The following CFAP52 variants were observed in gnomAD, a reference collection of about 807,000 sequenced individuals.
The protein encoded by CFAP52 is cilia and flagella associated protein 52, also known as cilia- and flagella-associated protein 52.
Under a neutral mutation model 70.5 loss-of-function variants are expected in CFAP52, and 57 were observed. The ratio of observed to expected loss-of-function variants is 0.81; its 90% CI spans 0.65 to 1.01. The LOEUF (loss-of-function observed/expected upper bound fraction) is 1.01, where lower values mean the gene tolerates loss of function less well. CFAP52 is among the 50% of genes least tolerant of loss of function. The probability of loss-of-function intolerance (pLI) is 0.00; values close to 1 mark genes in which losing one functional copy is unlikely to be tolerated. For missense variants in CFAP52, 785 were observed against 788.5 expected, an observed-to-expected ratio of 1.00 and a Z score of 0.05; for synonymous variants, 267 against 292.5, an observed-to-expected ratio of 0.91 and a Z score of 0.89.
At chr17:9,605,504 G>C (rs943693626) in intron 6 of CFAP52, among the ~76,000 whole-genome samples, 4 of 152,022 alleles carry the variant, frequency 2.6e-5, no homozygotes, top group African/African-American at 9.7e-5. Context: ...ATGAGGTCAA[G>C]AGATCAAGAC....
At chr17:9,591,030 CTTTTTTTTT>C (rs34888799) in intron 3 of CFAP52, among the ~76,000 whole-genome samples, 21 of 76,776 alleles carry the variant, frequency 2.7e-4, no homozygotes, top group African/African-American at 9.9e-4. Flanking sequence ...TTGCATGCAT[CTTTTTTTTT>C]TTTTTTTTTT....
chr17:9,625,962 C>A (rs1910220289), intron 8 of CFAP52, among the ~76,000 whole-genome samples: 1 of 152,154 alleles, frequency 6.6e-6, no homozygotes, highest in African/African-American at 2.4e-5. Context: ...GATACTCTTT[C>A]CTGCTTTCCT....
chr17:9,614,444 C>T (rs1909832421), intron 8 of CFAP52, among the ~76,000 whole-genome samples: 1 of 152,196 alleles, frequency 6.6e-6, no homozygotes, highest in Admixed American at 6.5e-5. Flanking sequence ...GCGTGAGCCA[C>T]CACGCCTGGC....
chr17:9,628,320 C>T (rs937528659), intron 8 of CFAP52, among the ~76,000 whole-genome samples: 1 of 149,488 alleles, frequency 6.7e-6, no homozygotes, highest in Admixed American at 6.6e-5. Context: ...AGCTCTGTCA[C>T]CCAGGCTGGA....
chr17:9,615,348 T>A (rs1909862338), intron 8 of CFAP52, among the ~76,000 whole-genome samples: 1 of 152,236 alleles, frequency 6.6e-6, no homozygotes, highest in Non-Finnish European at 1.5e-5. Flanking sequence ...AGACGTGCAT[T>A]GCAGCAAAAG....
chr17:9,631,024 AAGAAAG>A (rs1407701916), intron 9 of CFAP52, among the ~76,000 whole-genome samples: 19 of 30,070 alleles, frequency 6.3e-4, no homozygotes, highest in Admixed American at 2.6e-3. Context: ...GAAAGAAAGA[AAGAAAG>A]AGAGAGAGAG....
intron 6 of CFAP52, among the ~76,000 whole-genome samples, chr17:9,603,507 C>G (rs981760300): frequency 6.6e-6 from 1 of 152,186 alleles, no homozygotes; most frequent in African/African-American, 2.4e-5. Context: ...CCACACCCGG[C>G]CCTAAGTAGA....
chr17:9,597,831 A>AGAGAGAGAGAGAGAGAGAG (rs57688684), intron 4 of CFAP52, among the ~76,000 whole-genome samples: 27 of 131,762 alleles, frequency 2.0e-4, no homozygotes, highest in African/African-American at 6.4e-4. Context: ...GAGAGAGAGA[A>AGAGAGAGAGAGAGAGAGAG]AGAGAGAAAG....
In CFAP52 at chr17:9,636,772, C is replaced by T. The variant is rs577682066; in HGVS notation, c.1472+1216C>T. On this transcript the variant is annotated intron_variant, in intron 11 of 13. Transcript: ENST00000352665. Reference sequence around the variant, plus strand: ...TTAAAAAACACAAAGCACTGCTGGGCGCGGTGGCTCCCGCCTGTAACCCCA... The same window carrying T: ...TTAAAAAACACAAAGCACTGCTGGGTGCGGTGGCTCCCGCCTGTAACCCCA... 7.6e-4 allele frequency among the ~76,000 whole-genome samples: 115 copies of T among 152,218 alleles called. 3 individuals carry two copies. The South Asian group carries it at 0.021, about 27-fold the overall frequency.
rs187586104 is a variant in CFAP52, at chr17:9,601,462, C to T, written c.753+1279C>T. Among the ~76,000 whole-genome samples the T allele has an allele frequency of 2.0e-3, 306 of 152,196 alleles. No individual in the cohort carries two copies. The Middle Eastern group carries it at 0.02, about 10-fold the overall frequency. ...CACATTTATGTTCACCTCTTCAAAG[C>T]ATAGGGCCTATTGCTTTGTGATTTT... is the stretch of plus-strand genomic sequence containing the variant. On this transcript the variant is annotated intron_variant, in intron 6 of 13. Coordinates refer to ENST00000352665, the MANE Select transcript of CFAP52 (RefSeq NM_145054.5).
At chr17:9,635,591 C>G (rs1220625158) in intron 11 of CFAP52, 35 bp downstream of exon 11, 1 of 1,613,114 alleles carries the variant, frequency 6.2e-7, no homozygotes. Flanking sequence ...GCAGTGATAC[C>G]TGCAAAATCC....
chr17:9,606,589 A>C (rs2151939579), intron 6 of CFAP52, among the ~76,000 whole-genome samples: 1 of 152,302 alleles, frequency 6.6e-6, no homozygotes, highest in East Asian at 1.9e-4. Flanking sequence ...CCTGGCTTGC[A>C]AGTAATAGAG....
intron 4 of CFAP52, among the ~76,000 whole-genome samples, chr17:9,596,231 C>T (rs1411676472): frequency 6.6e-6 from 1 of 151,382 alleles, no homozygotes; most frequent in African/African-American, 2.4e-5. Context: ...TCCCAAGTAG[C>T]TGGGATTACA....
In CFAP52 at chr17:9,599,940, C is replaced by T; in HGVS notation, c.637-127C>T. On this transcript the variant is annotated intron_variant, in intron 5 of 13. Coordinates refer to ENST00000352665, the MANE Select transcript of CFAP52 (RefSeq NM_145054.5). ...ATTTTCAGTAGAGACAGGGTTTCTC[C>T]ATGTTGGTCAGTCTGGTCTTGAACT... is the stretch of plus-strand genomic sequence containing the variant. 4.4e-6 allele frequency: 3 copies of T among 682,220 alleles called. No homozygotes were observed. The East Asian group carries it at 8.1e-5, about 19-fold the overall frequency. The allele number at this position is 682,220 out of a possible 1,614,324, so 42.3% of individuals were successfully genotyped here. A position where few individuals can be genotyped will look rare whatever the true frequency, so the allele number is the denominator to read the frequency against.
intron 10 of CFAP52, among the ~76,000 whole-genome samples, chr17:9,634,024 T>C (rs1910668574): frequency 6.6e-6 from 1 of 152,152 alleles, no homozygotes; most frequent in African/African-American, 2.4e-5. Context: ...CATCAATTAT[T>C]AAATACACCC....
rs181015124 is a variant in CFAP52, at chr17:9,588,839, C to T, written c.407+2005C>T. On this transcript the variant is annotated intron_variant, in intron 3 of 13. Transcript: ENST00000352665. ...CCAGGCTGGAGTAATGGCACAATCT[C>T]GGCTCACTGCAATCTCCGCCTCCCA... Among the ~76,000 whole-genome samples, 170 of 150,322 alleles carry T rather than the reference C, an allele frequency of 1.1e-3. 2 individuals carry two copies. Among genetic ancestry groups the T allele is most frequent in the East Asian group, 1.4e-3 (7 of 5,098 alleles).
Position 9,598,217 on chromosome 17 carries a change from T to G in CFAP52, c.537-17T>G, listed in dbSNP as rs781277228. The G allele has an allele frequency of 7.3e-6, 11 of 1,511,578 alleles. No homozygotes were observed. Among genetic ancestry groups the G allele is most frequent in the Admixed American group, 1.9e-5 (1 of 51,872 alleles). The allele number at this position is 1,511,578 out of a possible 1,614,324, so 93.6% of individuals were successfully genotyped here. Reference sequence around the variant, plus strand: ...TGTCCATTTGATTGTGGTTTTTTGTTTTTTTTTTTTACATAGTGGGACAAT... The same window carrying G: ...TGTCCATTTGATTGTGGTTTTTTGTGTTTTTTTTTTACATAGTGGGACAAT... On this transcript the variant is annotated splice_polypyrimidine_tract_variant and intron_variant, in intron 4 of 13. Transcript: ENST00000352665.
intron 13 of CFAP52, among the ~76,000 whole-genome samples, chr17:9,642,557 G>A (rs1911120559): frequency 6.6e-6 from 1 of 152,206 alleles, no homozygotes; most frequent in African/African-American, 2.4e-5. Context: ...CTGGGAGGCG[G>A]AGGCTGCAGT....
At chr17:9,590,445 C>A (rs1486537806) in intron 3 of CFAP52, 4 of 200,942 alleles carry the variant, frequency 2.0e-5, no homozygotes, top group Admixed American at 1.8e-4. Flanking sequence ...GCAGAGGGCA[C>A]TAGAGGCAAG....
Sources: gnomAD v4.1 joint callset for allele counts (sites outside exome capture counted in the v4.1 genomes callset) on GRCh38, gnomAD v4.1.1 for gene constraint, MANE v1.5 for transcripts, NCBI Gene and HGNC (gene_info 2026-07-23, HGNC 2026-07-21) for gene names.